Variants in HPGDS observed in about 807,000 individuals in gnomAD.
HPGDS encodes GST class-sigma.
HPGDS carries 26 observed loss-of-function variants against 23.1 expected under a neutral mutation model. The observed-to-expected ratio is 1.13, with a 90% confidence interval of 0.83 to 1.56. The LOEUF is 1.56. HPGDS is among the 40% of genes most tolerant of loss of function. The pLI, the probability that HPGDS is intolerant of heterozygous loss-of-function variation, is 0.00. For missense variants in HPGDS, 268 were observed against 236.4 expected (o/e 1.13, Z -0.88); for synonymous variants, 95 against 77.9 (o/e 1.22, Z -1.16).
At chr4:94,337,591 C>T (rs1341850083) in intron 1 of HPGDS, among the ~76,000 whole-genome samples, 1 of 152,096 alleles carries the variant, frequency 6.6e-6, no homozygotes, top group Non-Finnish European at 1.5e-5. Flanking sequence ...AGAAAAATCA[C>T]TGAAACCCAG....
intron 1 of HPGDS, among the ~76,000 whole-genome samples, chr4:94,338,475 C>T (rs1721068372): frequency 6.6e-6 from 1 of 152,122 alleles, no homozygotes; most frequent in African/African-American, 2.4e-5. Context: ...TCAATAGATA[C>T]TAAATGCTTT....
At chr4:94,306,798 G>T (rs1471292403) in intron 4 of HPGDS, among the ~76,000 whole-genome samples, 1 of 152,012 alleles carries the variant, frequency 6.6e-6, no homozygotes, top group Non-Finnish European at 1.5e-5. Flanking sequence ...CGGGAAATAG[G>T]AAAAGAGCCA....
rs869240610 is a variant in HPGDS at position 94,340,311 on chromosome 4, C to CTTTTTTTTTTTTTTTTTT, written c.-10+2466_-10+2483dup. ...TTTCTTTCTTTCTTTCTTTCTTTCTCTTTTTTTTTTTTTTTTTTTTTTTTT... is the reference window on the plus strand; with the variant it reads ...TTTCTTTCTTTCTTTCTTTCTTTCTCTTTTTTTTTTTTTTTTTTTTTTTTTTTTTTTTTTTTTTTTTTT... On this transcript the variant is annotated intron_variant, in intron 1 of 5. Coordinates refer to ENST00000295256, the MANE Select transcript of HPGDS (RefSeq NM_014485.3). 3.4e-4 allele frequency among the ~76,000 whole-genome samples: 8 copies of CTTTTTTTTTTTTTTTTTT among 23,676 alleles called. 1 individual carries two copies. Among genetic ancestry groups the CTTTTTTTTTTTTTTTTTT allele is most frequent in the African/African-American group, 4.4e-4 (3 of 6,848 alleles). 15.5% of individuals were successfully genotyped at this position (23,676 alleles called of 152,430 possible).
chr4:94,300,661 C>T (rs1240902058), intron 5 of HPGDS, among the ~76,000 whole-genome samples: 1 of 152,022 alleles, frequency 6.6e-6, no homozygotes, highest in Non-Finnish European at 1.5e-5. Context: ...AGGATGCAAG[C>T]CCTTCTCTCA....
In HPGDS at chr4:94,299,633, T is replaced by G. The variant is rs1755996113; in HGVS notation, c.447A>C (p.Ala149=). Residue 149 remains alanine (A), a synonymous_variant, in exon 6 of 6, where the codon GCA becomes GCC. Transcript: ENST00000295256. ...TACTGCAAATCTCCCAGTAGAAGTC[T>G]GCCCAAGTTACCTAGTTTAAAGGAA... is the stretch of plus-strand genomic sequence containing the variant. The part of the protein sequence containing the change: ...EWLIGNSVTW[A]DFYWEICSTT... The G allele has an allele frequency of 6.2e-7, 1 of 1,613,774 alleles. No individual in the cohort carries two copies. The highest frequency in any genetic ancestry group is 8.5e-7 in the Non-Finnish European group (1 of 1,179,826).
chr4:94,322,381 C>T (rs1206272187), intron 2 of HPGDS, among the ~76,000 whole-genome samples: 2 of 152,156 alleles, frequency 1.3e-5, no homozygotes, highest in African/African-American at 4.8e-5. Flanking sequence ...AGCTGTGAAT[C>T]CACCTGGTCC....
At chr4:94,329,295 C>G (rs191737341) in intron 2 of HPGDS, among the ~76,000 whole-genome samples, 3 of 152,228 alleles carry the variant, frequency 2.0e-5, no homozygotes, top group Non-Finnish European at 4.4e-5. Flanking sequence ...TGGTCACACA[C>G]CTGGTAAAGG....
At chr4:94,322,189 C>A (rs1327181675) in intron 2 of HPGDS, among the ~76,000 whole-genome samples, 3 of 147,826 alleles carry the variant, frequency 2.0e-5, no homozygotes, top group East Asian at 3.9e-4. Context: ...AGGATTTTCC[C>A]ATCGATGTTC....
chr4:94,309,971 G>C (rs1756227606), intron 3 of HPGDS, among the ~76,000 whole-genome samples: 1 of 152,158 alleles, frequency 6.6e-6, no homozygotes, highest in Non-Finnish European at 1.5e-5. Context: ...ACTTGTTAAT[G>C]GGGTTGTTTG....
chr4:94,312,456 A>C (rs1387814636), intron 3 of HPGDS, among the ~76,000 whole-genome samples: 1 of 152,126 alleles, frequency 6.6e-6, no homozygotes, highest in Non-Finnish European at 1.5e-5. Flanking sequence ...GTTTTGAGTG[A>C]GTTTCTTAAT....
At position 94,334,589 on chromosome 4, in the gene HPGDS, C is replaced by A. The variant is rs748870779; in HGVS notation, c.41G>T (p.Arg14Ile). ...AAATATGTAACGAATAATTTCTGCT[C>A]TCCCCCTCATATTAAAATAAGTGAG... ...YKLTYFNMRG[R>I]AEIIRYIFAY... is the part of the protein sequence containing the mutation. The change falls in exon 2 of 6, where the codon AGA becomes ATA. Residue 14 changes from arginine (R) to isoleucine (I), a missense_variant. By Grantham distance (97) the Arg-to-Ile change is moderately conservative (BLOSUM62 -3). Transcript: ENST00000295256. The A allele has an allele frequency of 1.2e-6, 2 of 1,613,330 alleles. No individual in the cohort carries two copies. The highest frequency in any genetic ancestry group is 1.7e-6 in the Non-Finnish European group (2 of 1,179,566).
chr4:94,322,028 G>T (rs373094825), intron 2 of HPGDS, among the ~76,000 whole-genome samples: 10 of 152,118 alleles, frequency 6.6e-5, no homozygotes, highest in South Asian at 2.1e-4. Flanking sequence ...CGATCATGTG[G>T]TTTTTGTCTT....
At chr4:94,323,026 T>A (rs1756549224) in intron 2 of HPGDS, among the ~76,000 whole-genome samples, 1 of 152,240 alleles carries the variant, frequency 6.6e-6, no homozygotes, top group African/African-American at 2.4e-5. Context: ...ATGTACCCAG[T>A]AGTCATTCAG....
intron 2 of HPGDS, among the ~76,000 whole-genome samples, chr4:94,329,931 T>G (rs1279883593): frequency 1.3e-5 from 2 of 152,202 alleles, no homozygotes; most frequent in Non-Finnish European, 2.9e-5. Context: ...GCTGGCAAAA[T>G]AACTACAGTG....
At chr4:94,319,518 T>C (rs1242704102) in intron 2 of HPGDS, among the ~76,000 whole-genome samples, 2 of 152,254 alleles carry the variant, frequency 1.3e-5, no homozygotes, top group African/African-American at 4.8e-5. Flanking sequence ...TTGTATTCAT[T>C]GATAGATAAA....
In HPGDS at chr4:94,299,722, T is replaced by A. The variant is rs544044012; in HGVS notation, c.436-78A>T. On this transcript the variant is annotated intron_variant, in intron 5 of 5. Transcript: ENST00000295256. The stretch of plus-strand genomic sequence containing the variant: ...CAGCATTCCAAAATTGAAATTAGTT[T>A]CTTAATCTAAAAGATTCAAAACAAT... The A allele has an allele frequency of 4.5e-5, 58 of 1,300,682 alleles. No individual in the cohort carries two copies. In the South Asian group the frequency reaches 7.2e-4, roughly 16 times the overall value. 80.6% of individuals were successfully genotyped at this position (1,300,682 alleles called of 1,614,324 possible). A position where few individuals can be genotyped will look rare whatever the true frequency, so the allele number is the denominator to read the frequency against.
intron 5 of HPGDS, among the ~76,000 whole-genome samples, chr4:94,300,956 G>C (rs1199827659): frequency 6.6e-6 from 1 of 151,952 alleles, no homozygotes; most frequent in Non-Finnish European, 1.5e-5. Context: ...AGAAGGGAGA[G>C]AGTGCCCAGA....
intron 2 of HPGDS, among the ~76,000 whole-genome samples, chr4:94,321,583 G>A (rs1273733871): frequency 2.0e-5 from 3 of 152,068 alleles, no homozygotes; most frequent in East Asian, 1.9e-4. Context: ...TTGGTGTATA[G>A]CAATGCTTGT....
intron 4 of HPGDS, among the ~76,000 whole-genome samples, chr4:94,307,159 T>A (rs1388177527): frequency 6.6e-6 from 1 of 151,738 alleles, no homozygotes; most frequent in Non-Finnish European, 1.5e-5. Flanking sequence ...AGTCAAACTA[T>A]AAACAAGTTT....
Sources: gnomAD v4.1 joint callset for allele counts (sites outside exome capture counted in the v4.1 genomes callset) on GRCh38, gnomAD v4.1.1 for gene constraint, MANE v1.5 for transcripts, NCBI Gene and HGNC (gene_info 2026-07-23, HGNC 2026-07-21) for gene names.